LAMA1: variants seen among roughly 807,000 people sequenced by gnomAD.
The protein encoded by LAMA1 is laminin subunit alpha 1.
Under a neutral mutation model 348.7 loss-of-function variants are expected in LAMA1, and 219 were observed. That is an observed-to-expected ratio of 0.63 (90% CI 0.56 to 0.70). LAMA1 has a LOEUF of 0.70. Ranked by LOEUF, LAMA1 falls within the 30% of genes least tolerant of loss-of-function variation. LAMA1 has a pLI of 0.00. For missense variants in LAMA1, 3,744 were observed against 3,888.0 expected, an observed-to-expected ratio of 0.96 and a Z score of 0.99; for synonymous variants, 1,487 against 1,491.0, an observed-to-expected ratio of 1.00 and a Z score of 0.06.
In LAMA1 at chr18:7,040,125, G is replaced by A. The variant is rs1225168891; in HGVS notation, c.1373C>T (p.Pro458Leu). ...YPTCVSCGCN[P>L]VGSASDEPCT... ...GGGCTCATCACTGGCACTGCCCACT[G>A]GGTTGCACCCACAGGAGACACAGGT... Residue 458 changes from proline to leucine, a missense_variant, in exon 10 of 63, where the codon CCA becomes CTA. Coordinates refer to ENST00000389658, the MANE Select transcript of LAMA1 (RefSeq NM_005559.4). 8 of 1,614,080 alleles carry A rather than the reference G, an allele frequency of 5.0e-6. No individual in the cohort carries two copies. Among genetic ancestry groups the A allele is most frequent in the South Asian group, 1.1e-5 (1 of 91,070 alleles).
intron 3 of LAMA1, among the ~76,000 whole-genome samples, chr18:7,071,891 G>A (rs1290187303): frequency 6.6e-6 from 1 of 152,198 alleles, no homozygotes; most frequent in Non-Finnish European, 1.5e-5. Context: ...AGAATTCAAT[G>A]ACATAATCCT....
intron 1 of LAMA1, among the ~76,000 whole-genome samples, chr18:7,087,960 A>T (rs1317529030): frequency 6.6e-6 from 1 of 152,226 alleles, no homozygotes; most frequent in Non-Finnish European, 1.5e-5. Context: ...AGGGGGTATC[A>T]CTAAGTTTCC....
intron 1 of LAMA1, among the ~76,000 whole-genome samples, chr18:7,099,932 A>G (rs1219888692): frequency 6.6e-6 from 1 of 151,702 alleles, no homozygotes; most frequent in Admixed American, 6.6e-5. Flanking sequence ...GGTGGTGAGC[A>G]CCTGTAGTCC....
At chr18:7,042,320 G>T (rs969205084) in intron 8 of LAMA1, 70 bp from the exon 9 acceptor site, 4 of 914,284 alleles carry the variant, frequency 4.4e-6, no homozygotes, top group Non-Finnish European at 7.1e-6. Context: ...GTATAAATAA[G>T]AAGGTATTGG....
At chr18:7,006,466 C>T (rs1338591000) in intron 29 of LAMA1, among the ~76,000 whole-genome samples, 1 of 152,128 alleles carries the variant, frequency 6.6e-6, no homozygotes, top group African/African-American at 2.4e-5. Flanking sequence ...CCCACGTGAG[C>T]CCCCAAACTT....
chr18:7,116,787 T>TTCTTTCTTTCTCTC (rs1305673879), intron 1 of LAMA1, among the ~76,000 whole-genome samples: 1 of 151,670 alleles, frequency 6.6e-6, no homozygotes, highest in Non-Finnish European at 1.5e-5. Context: ...TTCTTTCTTT[T>TTCTTTCTTTCTCTC]TCTTTCTTTC....
rs982310505 is a variant in LAMA1 at position 7,033,167 on chromosome 18, C to T, written c.2052-72G>A. On this transcript the variant is annotated intron_variant, in intron 14 of 62. Transcript: ENST00000389658. ...TCTCACATCTCAATGAAGATGGGCTCCTAAAAGATTTAAATCCGGCCGGGC... is the reference window on the plus strand; with the variant it reads ...TCTCACATCTCAATGAAGATGGGCTTCTAAAAGATTTAAATCCGGCCGGGC... 7 of 1,135,480 alleles carry T rather than the reference C, an allele frequency of 6.2e-6. No individual in the cohort carries two copies. In the Admixed American group the frequency reaches 1.4e-4, roughly 23 times the overall value. The allele number at this position is 1,135,480 out of a possible 1,614,324, so 70.3% of individuals were successfully genotyped here.
chr18:7,099,345 T>C (rs1483929762), intron 1 of LAMA1, among the ~76,000 whole-genome samples: 1 of 151,420 alleles, frequency 6.6e-6, no homozygotes, highest in Non-Finnish European at 1.5e-5. Context: ...GGCCGCAGGG[T>C]CCTCTGCCTA....
At chr18:7,038,758 T>C in intron 11 of LAMA1, 52 bp downstream of exon 11, 1 of 1,609,952 alleles carries the variant, frequency 6.2e-7, no homozygotes, top group South Asian at 1.1e-5. Flanking sequence ...GTGCCAAGCT[T>C]GTGCAATACG....
chr18:7,036,916 C>G (rs1035042810), intron 12 of LAMA1, among the ~76,000 whole-genome samples: 1 of 151,872 alleles, frequency 6.6e-6, no homozygotes, highest in Admixed American at 6.6e-5. Flanking sequence ...GATGCATTCT[C>G]GGGAATAAAT....
intron 1 of LAMA1, among the ~76,000 whole-genome samples, chr18:7,099,164 T>C (rs1224771265): frequency 1.3e-5 from 2 of 151,470 alleles, no homozygotes; most frequent in Non-Finnish European, 2.9e-5. Flanking sequence ...ATCTGTGACC[T>C]TACCCCCAAC....
intron 1 of LAMA1, among the ~76,000 whole-genome samples, chr18:7,108,543 C>G (rs114396582): frequency 1.4e-5 from 2 of 146,150 alleles, no homozygotes; most frequent in Non-Finnish European, 3.0e-5. Context: ...CCATTCCCAG[C>G]TACTCAGGAG....
chr18:7,109,210 A>C (rs1471989731), intron 1 of LAMA1, among the ~76,000 whole-genome samples: 1 of 152,182 alleles, frequency 6.6e-6, no homozygotes, highest in Non-Finnish European at 1.5e-5. Context: ...GAGTCCGGGG[A>C]CCGGCTTTAT....
chr18:7,098,186 T>C (rs945513839), intron 1 of LAMA1, among the ~76,000 whole-genome samples: 5 of 151,942 alleles, frequency 3.3e-5, no homozygotes, highest in African/African-American at 9.7e-5. Context: ...AGTGGCGTGA[T>C]CTCGGCTCGC....
chr18:7,083,401 G>A lies in LAMA1; in HGVS notation c.62-2944C>T, dbSNP rs1280048276. On this transcript the variant is annotated intron_variant, in intron 1 of 62. Transcript: ENST00000389658. ...GAGTTTCACCATGTTGGTCAGGCTGGTCTTGATCTTCTGACCTCAAGTGCT... is the reference window on the plus strand; with the variant it reads ...GAGTTTCACCATGTTGGTCAGGCTGATCTTGATCTTCTGACCTCAAGTGCT... Among the ~76,000 whole-genome samples the A allele has an allele frequency of 1.1e-4, 17 of 151,728 alleles. 1 individual carries two copies. Among genetic ancestry groups the A allele is most frequent in the Admixed American group, 1.1e-3 (17 of 15,216 alleles).
At chr18:7,115,669 TAAAAAAA>T (rs111749663) in intron 1 of LAMA1, among the ~76,000 whole-genome samples, 1 of 137,474 alleles carries the variant, frequency 7.3e-6, no homozygotes, top group Non-Finnish European at 1.6e-5. Flanking sequence ...AATCGTTTCT[TAAAAAAA>T]AAAAAAAAAT....
rs999747005 is a variant in LAMA1 at position 7,111,643 on chromosome 18, G to A, written c.61+6017C>T. On this transcript the variant is annotated intron_variant, in intron 1 of 62. Transcript: ENST00000389658. ...CTTAACTAAATTACTTCTATGAAGG[G>A]TTTTTCCTCCTCGTTAATTTTGCAA... 1.2e-4 allele frequency among the ~76,000 whole-genome samples: 18 copies of A among 152,170 alleles called. 1 individual carries two copies. The highest frequency in any genetic ancestry group is 2.9e-4 in the African/African-American group (12 of 41,434).
At chr18:7,011,260 A>G (rs1309742323) in intron 25 of LAMA1, 40 bp downstream of exon 25, 1 of 1,601,282 alleles carries the variant, frequency 6.2e-7, no homozygotes. Flanking sequence ...TGTATATCCT[A>G]GGAAGCACCG....
chr18:7,018,246 G>C (rs534620928), intron 19 of LAMA1, among the ~76,000 whole-genome samples: 4 of 133,718 alleles, frequency 3.0e-5, no homozygotes, highest in African/African-American at 1.2e-4. Context: ...TGAGGCAGGA[G>C]AATCTCGTGA....
Sources: gnomAD v4.1 joint callset for allele counts (sites outside exome capture counted in the v4.1 genomes callset) on GRCh38, gnomAD v4.1.1 for gene constraint, MANE v1.5 for transcripts, NCBI Gene and HGNC (gene_info 2026-07-23, HGNC 2026-07-21) for gene names.